CELF2: variants seen among roughly 807,000 people sequenced by gnomAD.
CELF2 encodes the protein CUGBP Elav-like family member 2.
Under a neutral mutation model 62.6 loss-of-function variants are expected in CELF2, and 8 were observed. The ratio of observed to expected loss-of-function variants is 0.13; its 90% CI spans 0.07 to 0.23. The LOEUF (loss-of-function observed/expected upper bound fraction) is 0.23. Ranked by LOEUF, CELF2 falls within the 10% of genes least tolerant of loss-of-function variation. The pLI is 1.00. For missense variants in CELF2, 333 were observed against 671.0 expected (o/e 0.50, Z 5.56); for synonymous variants, 258 against 250.0 (o/e 1.03, Z -0.30).
chr10:10,978,024 GTT>G (rs1310804718), intron 2 of CELF2, among the ~76,000 whole-genome samples: 1 of 141,890 alleles, frequency 7.0e-6, no homozygotes, highest in Non-Finnish European at 1.5e-5. Context: ...TTGGGTTTGG[GTT>G]TTTTTTTGTT....
the CELF2 span, among the ~76,000 whole-genome samples, chr10:10,763,162 C>G: frequency 2.6e-5 from 4 of 152,104 alleles, no homozygotes; most frequent in Admixed American, 2.0e-4. Context: ...TGGGAATAAA[C>G]GAGATAATGT....
Position 11,191,348 on chromosome 10 carries a change from G to A in CELF2, c.271+25666G>A, listed in dbSNP as rs570772994. On this transcript the variant is annotated intron_variant, in intron 2 of 12. Coordinates refer to ENST00000633077, the MANE Select transcript of CELF2 (RefSeq NM_001326342.2). The surrounding 1 kb of genome is among the most constrained non-coding windows in gnomAD (Gnocchi z 4.1). ...TCAGCCAGTTGAAGCTGATGCCTCT[G>A]TCCTGGTGTTTATAAGGGGCTCCAT... 7.2e-5 allele frequency among the ~76,000 whole-genome samples: 11 copies of A among 152,332 alleles called. No individual in the cohort carries two copies. Among genetic ancestry groups the A allele is most frequent in the African/African-American group, 2.6e-4 (11 of 41,582 alleles).
In CELF2 at chr10:11,309,935, GGTGGT is replaced by G. The variant is rs2094472849; in HGVS notation, c.977-4202_977-4198del. ...GTGACCTGTCTCTCCCTGCTCTGGA[GGTGGT>G]GCAGGGGCAGTGGCCTGCTTTTCTG... is the stretch of plus-strand genomic sequence containing the variant. On this transcript the variant is annotated intron_variant, in intron 9 of 12. Transcript: ENST00000633077. The surrounding 1 kb of genome is among the most constrained non-coding windows in gnomAD (Gnocchi z 5.6). Among the ~76,000 whole-genome samples the G allele has an allele frequency of 6.6e-6, 1 of 152,202 alleles. No individual in the cohort carries two copies. The highest frequency in any genetic ancestry group is 2.4e-5 in the African/African-American group (1 of 41,446).
chr10:11,176,360 C>T (rs954016818), intron 2 of CELF2, among the ~76,000 whole-genome samples: 2 of 152,184 alleles, frequency 1.3e-5, no homozygotes, highest in Non-Finnish European at 2.9e-5. Context: ...GGTCCTCGTA[C>T]CCTTTTCCTT....
chr10:10,566,551 A>C, the CELF2 span, among the ~76,000 whole-genome samples: 1 of 148,316 alleles, frequency 6.7e-6, no homozygotes, highest in Non-Finnish European at 1.5e-5. Flanking sequence ...TATATCTCCC[A>C]ATGCTATCCC....
intron 3 of CELF2, among the ~76,000 whole-genome samples, chr10:11,225,652 G>T (rs903996476): frequency 4.6e-5 from 7 of 152,156 alleles, no homozygotes; most frequent in African/African-American, 1.4e-4. Flanking sequence ...GGGAAATGGA[G>T]AAAAGAAAGG....
In CELF2 at chr10:11,156,917, G is replaced by A. The variant is rs929583427; in HGVS notation, c.75-8569G>A. 2.0e-5 allele frequency among the ~76,000 whole-genome samples: 3 copies of A among 152,246 alleles called. No individual in the cohort carries two copies. The highest frequency in any genetic ancestry group is 2.9e-5 in the Non-Finnish European group (2 of 68,048). On this transcript the variant is annotated intron_variant, in intron 1 of 12. Transcript: ENST00000633077. The surrounding 1 kb of genome is among the most constrained non-coding windows in gnomAD (Gnocchi z 4.3). ...TGATTGGAGGAAAAGAAGACCGGAA[G>A]AGATGAACTTTAGGTGTGCTGAATT...
the CELF2 span, among the ~76,000 whole-genome samples, chr10:10,493,695 C>T: frequency 6.6e-6 from 1 of 151,998 alleles, no homozygotes; most frequent in Non-Finnish European, 1.5e-5. Context: ...CTACATACAG[C>T]TAATTTTTGT....
chr10:10,548,226 C>T, the CELF2 span, among the ~76,000 whole-genome samples: 2 of 152,216 alleles, frequency 1.3e-5, no homozygotes, highest in African/African-American at 4.8e-5. Context: ...TGTGGTCCCT[C>T]CCAGCTCTAC....
chr10:10,605,472 C>T, the CELF2 span, among the ~76,000 whole-genome samples: 5 of 152,192 alleles, frequency 3.3e-5, no homozygotes, highest in African/African-American at 1.2e-4. Flanking sequence ...TCCAATAAGG[C>T]TGTAGATTTT....
chr10:10,788,336 A>AT, the CELF2 span, among the ~76,000 whole-genome samples: 222 of 151,762 alleles, frequency 1.5e-3, no homozygotes, highest in African/African-American at 5.2e-3. Context: ...TGGTTTTCTG[A>AT]TTATAGAAAG....
At position 11,156,197 on chromosome 10, in the gene CELF2, G is replaced by A. The variant is rs975685462; in HGVS notation, c.75-9289G>A. On this transcript the variant is annotated intron_variant, in intron 1 of 12. Transcript: ENST00000633077. The surrounding 1 kb of genome is among the most constrained non-coding windows in gnomAD (Gnocchi z 4.3). ...CCAGCGGGCATTTGGAGAAAAATAG[G>A]CATGACTCAGTAACTGACTAGTAAT... Among the ~76,000 whole-genome samples the A allele has an allele frequency of 1.3e-5, 2 of 152,148 alleles. No homozygotes were observed. The highest frequency in any genetic ancestry group is 2.9e-5 in the Non-Finnish European group (2 of 68,026).
chr10:10,992,228 G>A (rs1400334086), intron 2 of CELF2, among the ~76,000 whole-genome samples: 2 of 152,210 alleles, frequency 1.3e-5, no homozygotes, highest in African/African-American at 4.8e-5. Context: ...ATCTAGGTTA[G>A]GTGGCTCTCT....
At chr10:11,163,382 A>G (rs570675304) in intron 1 of CELF2, among the ~76,000 whole-genome samples, 24 of 152,174 alleles carry the variant, frequency 1.6e-4, no homozygotes, top group Non-Finnish European at 3.1e-4. Flanking sequence ...AAGTCTTGCC[A>G]CACTCTCAAC....
intron 1 of CELF2, among the ~76,000 whole-genome samples, chr10:10,886,577 C>T (rs1275261711): frequency 6.6e-6 from 1 of 152,212 alleles, no homozygotes; most frequent in East Asian, 1.9e-4. Context: ...GGACTCATGC[C>T]TGTAATCCCA....
chr10:10,491,868 C>G, the CELF2 span, among the ~76,000 whole-genome samples: 1 of 152,142 alleles, frequency 6.6e-6, no homozygotes. Context: ...TACATACAAG[C>G]CCAAATGATC....
At chr10:11,286,299 G>C (rs2091287898) in intron 8 of CELF2, among the ~76,000 whole-genome samples, 1 of 152,242 alleles carries the variant, frequency 6.6e-6, no homozygotes, top group South Asian at 2.1e-4. Flanking sequence ...GGCTCTGCCT[G>C]TCATTAATCG....
chr10:10,885,321 T>C (rs978299382), intron 1 of CELF2, among the ~76,000 whole-genome samples: 6 of 151,982 alleles, frequency 3.9e-5, no homozygotes, highest in Non-Finnish European at 7.4e-5. Flanking sequence ...GTGTATATGC[T>C]GGAGAAAAAT....
At chr10:11,218,625 A>G (rs1304417082) in intron 3 of CELF2, among the ~76,000 whole-genome samples, 1 of 152,224 alleles carries the variant, frequency 6.6e-6, no homozygotes, top group Non-Finnish European at 1.5e-5. Flanking sequence ...TTTGAATCAT[A>G]CTACTTTGGT....
Sources: allele counts gnomAD v4.1 joint callset (sites outside exome capture counted in the v4.1 genomes callset), GRCh38; gene constraint gnomAD v4.1.1; non-coding constraint Gnocchi (gnomAD v3.1); transcripts MANE v1.5; gene names NCBI Gene and HGNC (gene_info 2026-07-23, HGNC 2026-07-21).